Variants in MEGF11 observed in about 807,000 individuals in gnomAD.
The protein encoded by MEGF11 is multiple epidermal growth factor-like domains protein 11.
A neutral mutation model predicts 146.6 loss-of-function variants in MEGF11; 126 were observed. That is an observed-to-expected ratio of 0.86 (90% CI 0.74 to 1.00). The LOEUF (loss-of-function observed/expected upper bound fraction) is 1.00, where lower values mean the gene tolerates loss of function less well. Among genes scored for constraint, MEGF11 ranks in the 50% least tolerant of loss-of-function variants. The pLI, the probability that MEGF11 is intolerant of heterozygous loss-of-function variation, is 0.00. For synonymous variants in MEGF11, 532 were observed against 583.4 expected (o/e 0.91, Z 1.27); for missense variants, 1,509 against 1,521.2 (o/e 0.99, Z 0.13).
At chr15:66,193,700 C>T (rs574600928) in intron 1 of MEGF11, among the ~76,000 whole-genome samples, 26 of 151,946 alleles carry the variant, frequency 1.7e-4, no homozygotes, top group African/African-American at 4.8e-4. Flanking sequence ...ATTTGGTATA[C>T]GAGGGAGTCT....
At chr15:66,181,939 C>T (rs953580880) in intron 1 of MEGF11, among the ~76,000 whole-genome samples, 2 of 152,200 alleles carry the variant, frequency 1.3e-5, no homozygotes, top group African/African-American at 2.4e-5. Context: ...GGAATGTCCC[C>T]TTGGGCAACC....
intron 5 of MEGF11, among the ~76,000 whole-genome samples, chr15:66,048,998 G>A (rs976314688): frequency 6.6e-6 from 1 of 152,160 alleles, no homozygotes; most frequent in Admixed American, 6.5e-5. Context: ...GACCACCAGG[G>A]GTTTGTCCTA....
At chr15:66,197,759 C>T (rs894244574) in intron 1 of MEGF11, among the ~76,000 whole-genome samples, 1 of 152,166 alleles carries the variant, frequency 6.6e-6, no homozygotes, top group Non-Finnish European at 1.5e-5. Context: ...ATACCGCCTC[C>T]AAAATGTCTT....
chr15:65,930,947 GA>G lies in MEGF11; in HGVS notation c.1288-5del. ...AGGAAACGGCACAGACCTCTCCCTG[GA>G]AAGGGAGGGGGTGAATTTTGGATCA... On this transcript the variant is annotated splice_polypyrimidine_tract_variant and splice_region_variant and intron_variant, in intron 10 of 25. Transcript: ENST00000395614. 6.3e-7 allele frequency: 1 copy of G among 1,575,878 alleles called. No homozygotes were observed. Among genetic ancestry groups the G allele is most frequent in the Non-Finnish European group, 8.7e-7 (1 of 1,155,764 alleles).
At chr15:66,013,368 C>T (rs1351487373) in intron 5 of MEGF11, among the ~76,000 whole-genome samples, 1 of 152,144 alleles carries the variant, frequency 6.6e-6, no homozygotes. Context: ...CCTCCCACCC[C>T]CACCCCAGGT....
chr15:66,158,635 C>A (rs1393726330), intron 1 of MEGF11, among the ~76,000 whole-genome samples: 3 of 152,248 alleles, frequency 2.0e-5, no homozygotes, highest in Non-Finnish European at 4.4e-5. Flanking sequence ...AATCTCCAAG[C>A]GTGGGGCCTG....
chr15:66,003,474 G>GGGA (rs2082426384), intron 5 of MEGF11, among the ~76,000 whole-genome samples: 1 of 151,596 alleles, frequency 6.6e-6, no homozygotes, highest in Admixed American at 6.6e-5. Context: ...GGGTGGGGAG[G>GGGA]AGATGGCCTA....
intron 13 of MEGF11, among the ~76,000 whole-genome samples, chr15:65,925,665 C>T (rs1182937573): frequency 1.3e-5 from 2 of 152,140 alleles, no homozygotes; most frequent in Non-Finnish European, 2.9e-5. Context: ...TCCTTTCTTA[C>T]TCTAGGGAAC....
chr15:66,107,982 C>T (rs1319038115), intron 4 of MEGF11, among the ~76,000 whole-genome samples: 1 of 152,110 alleles, frequency 6.6e-6, no homozygotes, highest in Non-Finnish European at 1.5e-5. Context: ...AGGGAGGTGT[C>T]GAGTGGGGCT....
intron 5 of MEGF11, among the ~76,000 whole-genome samples, chr15:66,084,410 C>T (rs1212387538): frequency 6.6e-6 from 1 of 152,082 alleles, no homozygotes; most frequent in Non-Finnish European, 1.5e-5. Context: ...CCAGCAATCC[C>T]GAGAGGAACC....
intron 24 of MEGF11, among the ~76,000 whole-genome samples, chr15:65,904,588 C>T (rs765114820): frequency 6.6e-6 from 1 of 152,160 alleles, no homozygotes; most frequent in South Asian, 2.1e-4. Flanking sequence ...GGACTGTAGA[C>T]GACTAGCTGT....
rs896383090 is a variant in MEGF11, at chr15:66,188,446, C to T, written c.-8-60035G>A. On this transcript the variant is annotated intron_variant, in intron 1 of 25. Transcript: ENST00000395614. Reference sequence around the variant, plus strand: ...AGCCCTCTCTATGTCTGCCCCAAGGCCCTGACTCCCTTTGCTCACAGATCA... The same window carrying T: ...AGCCCTCTCTATGTCTGCCCCAAGGTCCTGACTCCCTTTGCTCACAGATCA... Among the ~76,000 whole-genome samples the T allele has an allele frequency of 1.4e-4, 22 of 152,112 alleles. 1 individual carries two copies. The highest frequency in any genetic ancestry group is 5.3e-4 in the African/African-American group (22 of 41,434).
At chr15:65,961,504 G>A (rs1466088546) in intron 9 of MEGF11, among the ~76,000 whole-genome samples, 2 of 152,008 alleles carry the variant, frequency 1.3e-5, no homozygotes, top group Non-Finnish European at 2.9e-5. Context: ...ACCCAATTGT[G>A]GAGGGGACAT....
intron 1 of MEGF11, among the ~76,000 whole-genome samples, chr15:66,155,977 G>A (rs957140525): frequency 6.6e-6 from 1 of 152,170 alleles, no homozygotes; most frequent in African/African-American, 2.4e-5. Context: ...CCATCAGCCT[G>A]GGATTTGCTG....
At chr15:66,204,411 AAAAAAGAAAAAG>A (rs546156371) in intron 1 of MEGF11, among the ~76,000 whole-genome samples, 1 of 152,034 alleles carries the variant, frequency 6.6e-6, no homozygotes, top group South Asian at 2.1e-4. Flanking sequence ...TCTCAAAAAT[AAAAAAGAAAAAG>A]AAAAAGAAAA....
chr15:66,173,491 A>G (rs2090317146), intron 1 of MEGF11, among the ~76,000 whole-genome samples: 1 of 151,812 alleles, frequency 6.6e-6, no homozygotes, highest in Non-Finnish European at 1.5e-5. Flanking sequence ...AATTTTCTGT[A>G]TTTTTAGTAG....
chr15:65,948,646 A>G (rs1206577759), intron 10 of MEGF11, among the ~76,000 whole-genome samples: 1 of 152,156 alleles, frequency 6.6e-6, no homozygotes, highest in Non-Finnish European at 1.5e-5. Flanking sequence ...TTTACTGAAC[A>G]TTCGCTACGT....
intron 1 of MEGF11, among the ~76,000 whole-genome samples, chr15:66,220,767 G>A (rs773372046): frequency 3.3e-5 from 5 of 152,062 alleles, no homozygotes; most frequent in Non-Finnish European, 7.4e-5. Context: ...AAACTTCTGG[G>A]CTCAAGTGAT....
At chr15:65,909,684 G>T in intron 22 of MEGF11, 56 bp downstream of exon 22, 1 of 1,478,158 alleles carries the variant, frequency 6.8e-7, no homozygotes, top group South Asian at 1.2e-5. Context: ...TTCTCAATAT[G>T]GAAGAAGAAT....
Sources: gnomAD v4.1 joint callset for allele counts (sites outside exome capture counted in the v4.1 genomes callset) on GRCh38, gnomAD v4.1.1 for gene constraint, MANE v1.5 for transcripts, NCBI Gene and HGNC (gene_info 2026-07-23, HGNC 2026-07-21) for gene names.